The following ATXN7L1 variants were observed in gnomAD, a reference collection of about 807,000 sequenced individuals.
The protein encoded by ATXN7L1 is ataxin-7-like protein 1.
A neutral mutation model predicts 70.8 loss-of-function variants in ATXN7L1; 15 were observed. The observed-to-expected ratio is 0.21, with a 90% CI of 0.14 to 0.33. The LOEUF (loss-of-function observed/expected upper bound fraction) is 0.33, where lower values mean the gene tolerates loss of function less well. ATXN7L1 is among the 10% of genes least tolerant of loss of function. ATXN7L1 has a pLI of 1.00. For synonymous variants in ATXN7L1, 440 were observed against 445.1 expected (o/e 0.99, Z 0.14); for missense variants, 975 against 1,097.1 (o/e 0.89, Z 1.57).
At chr7:105,875,636 C>CCCCA (rs370805832) in intron 2 of ATXN7L1, among the ~76,000 whole-genome samples, 176 bp downstream of exon 2, 177 of 131,466 alleles carry the variant, frequency 1.3e-3, no homozygotes, top group Middle Eastern at 3.9e-3. Context: ...TACCCCCCCC[C>CCCCA]CAGTTGTATT....
chr7:105,849,811 GCT>G (rs1814612781), intron 2 of ATXN7L1, among the ~76,000 whole-genome samples: 1 of 152,204 alleles, frequency 6.6e-6, no homozygotes, highest in African/African-American at 2.4e-5. Flanking sequence ...AGCCCCAGCT[GCT>G]CTCAGCTCTT....
At chr7:105,758,224 G>A (rs1171902114) in intron 3 of ATXN7L1, among the ~76,000 whole-genome samples, 3 of 152,190 alleles carry the variant, frequency 2.0e-5, no homozygotes, top group Admixed American at 6.5e-5. Context: ...AACTTCGCAA[G>A]GGGAATAAAC....
chr7:105,742,949 C>T (rs934946837), intron 3 of ATXN7L1, among the ~76,000 whole-genome samples: 2 of 152,080 alleles, frequency 1.3e-5, no homozygotes, highest in Admixed American at 6.5e-5. Flanking sequence ...CATGCTTATG[C>T]CCTCCCCAAC....
At chr7:105,641,194 T>TTCTCTC (rs1239270241) in intron 5 of ATXN7L1, among the ~76,000 whole-genome samples, 6 of 106,022 alleles carry the variant, frequency 5.7e-5, no homozygotes, top group South Asian at 3.1e-4. Flanking sequence ...TGTCTGCCTT[T>TTCTCTC]TCTCTCTCTC....
chr7:105,719,176 G>T (rs1331483921), intron 3 of ATXN7L1, among the ~76,000 whole-genome samples: 1 of 152,140 alleles, frequency 6.6e-6, no homozygotes, highest in Non-Finnish European at 1.5e-5. Context: ...AGGCCTGGAT[G>T]GGTGAGGGGA....
At chr7:105,710,175 G>C (rs1793703314) in intron 3 of ATXN7L1, among the ~76,000 whole-genome samples, 1 of 152,044 alleles carries the variant, frequency 6.6e-6, no homozygotes, top group Non-Finnish European at 1.5e-5. Context: ...AAACAACCAG[G>C]GATGATATAT....
chr7:105,788,554 C>A (rs980356997), intron 3 of ATXN7L1, 50 bp downstream of exon 3: 5 of 1,458,132 alleles, frequency 3.4e-6, no homozygotes, highest in Middle Eastern at 1.7e-4. Flanking sequence ...AGGCGACTGT[C>A]CCCAGGGCGG....
chr7:105,798,614 T>G (rs1006369725), intron 2 of ATXN7L1, among the ~76,000 whole-genome samples: 2 of 152,216 alleles, frequency 1.3e-5, no homozygotes, highest in Non-Finnish European at 1.5e-5. Flanking sequence ...ATGCATATCT[T>G]CATCTTCCCC....
At chr7:105,724,573 C>CA (rs573733959) in intron 3 of ATXN7L1, among the ~76,000 whole-genome samples, 1,721 of 80,210 alleles carry the variant, frequency 0.021, 78 homozygotes, top group African/African-American at 0.034. Flanking sequence ...GACTCTGTCT[C>CA]AAAAAAAAAA....
chr7:105,611,799 A>G (rs1793176671), intron 10 of ATXN7L1, among the ~76,000 whole-genome samples: 1 of 152,188 alleles, frequency 6.6e-6, no homozygotes, highest in Non-Finnish European at 1.5e-5. Context: ...TGGATTTCTC[A>G]ATCTCATGCG....
chr7:105,788,652 T>G lies in ATXN7L1; in HGVS notation c.307A>C (p.Ser103Arg), dbSNP rs868017484. ...AHDDFYLVVC[S>R]ACNQVVKPQV... The stretch of plus-strand genomic sequence containing the variant: ...GGCTTGACGACCTGGTTACAGGCAC[T>G]GCACACTACGAGATAGAAGTCGTCA... Residue 103 changes from serine (S) to arginine (R), a missense_variant, in exon 3 of 12, where the codon AGT becomes CGT. Around this residue, in one of 5 missense-constraint regions of ATXN7L1, gnomAD observed 135 missense variants for 132.6 expected, o/e 1.02. Coordinates refer to ENST00000419735, the MANE Select transcript of ATXN7L1 (RefSeq NM_020725.2). The G allele has an allele frequency of 6.2e-7, 1 of 1,614,078 alleles. No homozygotes were observed. Among genetic ancestry groups the G allele is most frequent in the African/African-American group, 1.3e-5 (1 of 75,028 alleles).
At chr7:105,835,101 T>C (rs1250151486) in intron 2 of ATXN7L1, among the ~76,000 whole-genome samples, 1 of 146,652 alleles carries the variant, frequency 6.8e-6, no homozygotes, top group African/African-American at 2.5e-5. Context: ...CTGTGCTCCA[T>C]GCCCCTGTGG....
rs1034178873 is a variant in ATXN7L1 at position 105,798,077 on chromosome 7, C to T, written c.251-9369G>A. 5.3e-5 allele frequency among the ~76,000 whole-genome samples: 8 copies of T among 152,302 alleles called. No individual in the cohort carries two copies. The South Asian group carries it at 6.2e-4, about 12-fold the overall frequency. ...ATATCCATGCTGCTATCTAAGATTA[C>T]GAGGTCAATAATTGTCTCTATTTAT... On this transcript the variant is annotated intron_variant, in intron 2 of 11. Coordinates refer to ENST00000419735, the MANE Select transcript of ATXN7L1 (RefSeq NM_020725.2).
chr7:105,661,922 C>A (rs1423690116), intron 4 of ATXN7L1, among the ~76,000 whole-genome samples: 1 of 152,142 alleles, frequency 6.6e-6, no homozygotes, highest in Non-Finnish European at 1.5e-5. Context: ...GGTGAACATT[C>A]GAGTCTTTTC....
chr7:105,760,367 A>G, intron 3 of ATXN7L1: 1 of 935,630 alleles, frequency 1.1e-6, no homozygotes, highest in Non-Finnish European at 1.3e-6. Flanking sequence ...ATATGAGGAA[A>G]CAGGCTCTGA....
At chr7:105,750,355 C>T (rs1292037954) in intron 3 of ATXN7L1, among the ~76,000 whole-genome samples, 1 of 151,662 alleles carries the variant, frequency 6.6e-6, no homozygotes, top group Non-Finnish European at 1.5e-5. Context: ...CAGCTCACTG[C>T]AGCCTTGACC....
chr7:105,617,960 T>A (rs1490897877), intron 9 of ATXN7L1: 1 of 456,714 alleles, frequency 2.2e-6, no homozygotes, highest in East Asian at 7.0e-5. Flanking sequence ...GGCAGCGAGG[T>A]TGAGAGGGTA....
chr7:105,731,632 T>C (rs192621874), intron 3 of ATXN7L1, among the ~76,000 whole-genome samples: 419 of 151,392 alleles, frequency 2.8e-3, no homozygotes, highest in African/African-American at 9.8e-3. Flanking sequence ...AGATGGGGTT[T>C]CACCACTTTG....
intron 3 of ATXN7L1, among the ~76,000 whole-genome samples, chr7:105,775,014 A>G (rs974801282): frequency 3.3e-5 from 5 of 149,882 alleles, no homozygotes; most frequent in East Asian, 1.9e-4. Flanking sequence ...CTTTCTCTGG[A>G]AAAAAAAAAG....
Sources: allele counts gnomAD v4.1 joint callset (sites outside exome capture counted in the v4.1 genomes callset), GRCh38; gene constraint gnomAD v4.1.1; regional missense constraint gnomAD v4.1.1; transcripts MANE v1.5; gene names NCBI Gene and HGNC (gene_info 2026-07-23, HGNC 2026-07-21).